Variants in OR3A2 observed in about 807,000 individuals in gnomAD.
OR3A2 encodes the protein olfactory receptor 3A2.
For missense variants in OR3A2, 318 were observed against 392.8 expected, an observed-to-expected ratio of 0.81 and a Z score of 1.61; for synonymous variants, 126 against 159.3, an observed-to-expected ratio of 0.79 and a Z score of 1.57.
chr17:3,360,248 G>T lies in OR3A2; in HGVS notation c.-179+23556C>A, dbSNP rs1008094346. On this transcript the variant is annotated intron_variant, in intron 2 of 4. Coordinates refer to the OR3A2 transcript ENST00000573491. ...TGCGAAGTGTCTGTTCATATCCTTCGCCCACTTTTTGATGGGGTTGTTTTT... is the reference window on the plus strand; with the variant it reads ...TGCGAAGTGTCTGTTCATATCCTTCTCCCACTTTTTGATGGGGTTGTTTTT... Among the ~76,000 whole-genome samples the T allele has an allele frequency of 9.6e-5, 13 of 135,578 alleles. 1 individual carries two copies. In the Admixed American group the frequency reaches 9.8e-4, roughly 10 times the overall value. 88.9% of individuals were successfully genotyped at this position (135,578 alleles called of 152,430 possible).
At chr17:3,358,798 T>C (rs745621291) in intron 2 of OR3A2, among the ~76,000 whole-genome samples, 4 of 151,708 alleles carry the variant, frequency 2.6e-5, no homozygotes, top group Non-Finnish European at 5.9e-5. Context: ...ATCAGTTCTA[T>C]TTGTTCCAGT....
intron 3 of OR3A2, among the ~76,000 whole-genome samples, chr17:3,317,643 A>G (rs1176017062): frequency 6.6e-6 from 1 of 152,158 alleles, no homozygotes; most frequent in Non-Finnish European, 1.5e-5. Context: ...GAATCATACC[A>G]TGAACTTCAT....
intron 2 of OR3A2, among the ~76,000 whole-genome samples, chr17:3,367,601 GTATATA>G (rs553464584): frequency 8.2e-6 from 1 of 122,522 alleles, no homozygotes; most frequent in African/African-American, 3.6e-5. Flanking sequence ...GTGTGTGTGT[GTATATA>G]TATATATATA....
At chr17:3,333,635 C>T (rs905849036) in intron 3 of OR3A2, among the ~76,000 whole-genome samples, 6 of 151,840 alleles carry the variant, frequency 4.0e-5, no homozygotes, top group East Asian at 1.9e-4. Flanking sequence ...TCAGACTGGC[C>T]AACACTTAGG....
At chr17:3,379,533 C>T (rs1240959323) in intron 2 of OR3A2, among the ~76,000 whole-genome samples, 2 of 152,144 alleles carry the variant, frequency 1.3e-5, no homozygotes. Flanking sequence ...CTGGCAATTC[C>T]AGCCCTTCCT....
chr17:3,291,437 C>T (rs763825156), intron 3 of OR3A2: 129 of 484,690 alleles, frequency 2.7e-4, no homozygotes, highest in Non-Finnish European at 4.3e-4. Context: ...AAGGGGCTGG[C>T]TTGGCAGATC....
intron 2 of OR3A2, among the ~76,000 whole-genome samples, chr17:3,370,430 T>A (rs991401316): frequency 1.3e-4 from 20 of 152,336 alleles, no homozygotes; most frequent in Admixed American, 3.3e-4. Context: ...TCTTGGTTAA[T>A]CTCAAGAATG....
At chr17:3,342,937 T>G (rs2049331933) in intron 2 of OR3A2, among the ~76,000 whole-genome samples, 1 of 152,120 alleles carries the variant, frequency 6.6e-6, no homozygotes, top group African/African-American at 2.4e-5. Context: ...GGCCGCTGTG[T>G]TTACCTACTC....
At chr17:3,279,771 G>A (rs1337097209) in intron 1 of OR3A2, among the ~76,000 whole-genome samples, 1 of 152,092 alleles carries the variant, frequency 6.6e-6, no homozygotes, top group East Asian at 1.9e-4. Flanking sequence ...CTGGGTGACA[G>A]AGCGAGGCTC....
chr17:3,312,994 T>G (rs1202767361), intron 3 of OR3A2, among the ~76,000 whole-genome samples: 1 of 152,120 alleles, frequency 6.6e-6, no homozygotes, highest in East Asian at 1.9e-4. Flanking sequence ...TACGTACAGA[T>G]AATTAGTAAA....
chr17:3,348,076 A>G (rs2150651783), intron 2 of OR3A2, among the ~76,000 whole-genome samples: 1 of 152,102 alleles, frequency 6.6e-6, no homozygotes, highest in South Asian at 2.1e-4. Flanking sequence ...TCCTTTGCCC[A>G]CTTTTTGATG....
intron 2 of OR3A2, among the ~76,000 whole-genome samples, chr17:3,371,055 T>A (rs1410488466): frequency 1.3e-5 from 2 of 151,924 alleles, no homozygotes; most frequent in Non-Finnish European, 2.9e-5. Context: ...TTTCTCAATC[T>A]TTTCCCCACC....
At chr17:3,361,850 T>C (rs2150659691) in intron 2 of OR3A2, among the ~76,000 whole-genome samples, 1 of 151,788 alleles carries the variant, frequency 6.6e-6, no homozygotes, top group South Asian at 2.1e-4. Context: ...GCATTGATGT[T>C]CATCAGGGAT....
At chr17:3,372,299 A>T (rs2049636491) in intron 2 of OR3A2, among the ~76,000 whole-genome samples, 1 of 146,250 alleles carries the variant, frequency 6.8e-6, no homozygotes, top group African/African-American at 2.6e-5. Context: ...CACTTCCTAG[A>T]TGGGATGGCG....
At chr17:3,352,047 T>C (rs1341318171) in intron 2 of OR3A2, among the ~76,000 whole-genome samples, 2 of 151,872 alleles carry the variant, frequency 1.3e-5, no homozygotes, top group African/African-American at 2.4e-5. Context: ...ATGGATTGTA[T>C]GTCTTCTTGT....
chr17:3,381,146 G>A (rs905038976), intron 2 of OR3A2, among the ~76,000 whole-genome samples: 1 of 151,988 alleles, frequency 6.6e-6, no homozygotes, highest in Non-Finnish European at 1.5e-5. Context: ...CCCGGTGGGT[G>A]TGCGTGTCTC....
intron 2 of OR3A2, among the ~76,000 whole-genome samples, chr17:3,340,092 T>C (rs2150646982): frequency 6.6e-6 from 1 of 152,310 alleles, no homozygotes; most frequent in African/African-American, 2.4e-5. Context: ...GATGGTGGTT[T>C]GTATTTCTGT....
intron 3 of OR3A2, among the ~76,000 whole-genome samples, chr17:3,324,306 T>C (rs1218834882): frequency 6.6e-6 from 1 of 150,612 alleles, no homozygotes. Context: ...TGGTTCGAAC[T>C]TCCTCCTGTA....
intron 3 of OR3A2, among the ~76,000 whole-genome samples, chr17:3,304,804 G>A (rs6502717): frequency 0.19 from 28,761 of 152,044 alleles, 4,267 homozygotes; most frequent in African/African-American, 0.41. Context: ...ATATTCATAC[G>A]ATGGAATACT....
Sources: allele counts gnomAD v4.1 joint callset (sites outside exome capture counted in the v4.1 genomes callset), GRCh38; gene constraint gnomAD v4.1.1; transcripts MANE v1.5; gene names NCBI Gene and HGNC (gene_info 2026-07-23, HGNC 2026-07-21).